NCK1: variants seen among roughly 807,000 people sequenced by gnomAD.
NCK1 encodes SH2/SH3 adapter protein NCK1.
NCK1 carries 19 observed loss-of-function variants against 36.6 expected under a neutral mutation model. That is an observed-to-expected ratio of 0.52 (90% CI 0.36 to 0.76). The LOEUF is 0.76. Among genes scored for constraint, NCK1 ranks in the 30% least tolerant of loss-of-function variants. The pLI is 0.00. For synonymous variants in NCK1, 165 were observed against 156.0 expected (o/e 1.06, Z -0.43); for missense variants, 358 against 445.6 (o/e 0.80, Z 1.77).
At chr3:136,894,462 A>C (rs1299446679) in intron 1 of NCK1, among the ~76,000 whole-genome samples, 1 of 152,158 alleles carries the variant, frequency 6.6e-6, no homozygotes, top group Admixed American at 6.5e-5. Flanking sequence ...GCACCACTTT[A>C]TGATTTTGTT....
intron 1 of NCK1, among the ~76,000 whole-genome samples, chr3:136,864,235 G>A (rs1011402749): frequency 6.6e-6 from 1 of 152,100 alleles, no homozygotes; most frequent in African/African-American, 2.4e-5. Flanking sequence ...GCTCACGCCT[G>A]TAATCCCAGC....
At chr3:136,935,216 T>C (rs1212401527) in intron 2 of NCK1, among the ~76,000 whole-genome samples, 3 of 152,188 alleles carry the variant, frequency 2.0e-5, no homozygotes, top group Non-Finnish European at 4.4e-5. Context: ...TTTTTGACAA[T>C]GTGTAATTAG....
Position 136,950,190 on chromosome 3 carries a change from CAT to C in NCK1, c.*1742_*1743del, listed in dbSNP as rs1940937326. Among the ~76,000 whole-genome samples the C allele has an allele frequency of 6.6e-6, 1 of 152,156 alleles. No homozygotes were observed. The highest frequency in any genetic ancestry group is 1.5e-5 in the Non-Finnish European group (1 of 67,936). Reference sequence around the variant, plus strand: ...TAGTAAACATCATCTTAATTTTTAACATATATTTGATGATGCTTTCCTTTTCT... The same window carrying C: ...TAGTAAACATCATCTTAATTTTTAACATATTTGATGATGCTTTCCTTTTCT... On this transcript the variant is annotated 3_prime_UTR_variant, in exon 4 of 4. Coordinates refer to ENST00000481752, the MANE Select transcript of NCK1 (RefSeq NM_001291999.2).
At chr3:136,916,162 A>T (rs189180935) in intron 1 of NCK1, among the ~76,000 whole-genome samples, 55 of 152,328 alleles carry the variant, frequency 3.6e-4, no homozygotes, top group African/African-American at 1.3e-3. Flanking sequence ...GGAGATTACA[A>T]TTCGACATGA....
chr3:136,862,393 C>G lies in NCK1; in HGVS notation c.-19+40C>G, dbSNP rs563634535. 5 of 152,688 alleles carry G rather than the reference C, an allele frequency of 3.3e-5. No individual in the cohort carries two copies. In the South Asian group the frequency reaches 6.2e-4, roughly 19 times the overall value. 9.5% of individuals were successfully genotyped at this position (152,688 alleles called of 1,614,324 possible). A position where few individuals can be genotyped will look rare whatever the true frequency, so the allele number is the denominator to read the frequency against. On this transcript the variant is annotated intron_variant, in intron 1 of 3. Coordinates refer to ENST00000481752, the MANE Select transcript of NCK1 (RefSeq NM_001291999.2). ...TTGGCAGGCAGACACACACACACCC[C>G]CCTTCAGTCCGCTGTCCGTCCATAC... is the stretch of plus-strand genomic sequence containing the variant.
Position 136,927,963 on chromosome 3 carries a change from A to G in NCK1, c.-18-21A>G, listed in dbSNP as rs189081863. On this transcript the variant is annotated intron_variant, in intron 1 of 3. Coordinates refer to ENST00000481752, the MANE Select transcript of NCK1 (RefSeq NM_001291999.2). ...AATACTACCTCAACCTTACATAAAA[A>G]TATTTTCCATGTGTTTACAGTGCTG... 5.8e-4 allele frequency: 867 copies of G among 1,506,778 alleles called. 13 individuals carry two copies. The East Asian group carries it at 0.018, about 32-fold the overall frequency. 93.3% of individuals were successfully genotyped at this position (1,506,778 alleles called of 1,614,324 possible). A position where few individuals can be genotyped will look rare whatever the true frequency, so the allele number is the denominator to read the frequency against.
At chr3:136,940,605 C>T (rs563251834) in intron 2 of NCK1, among the ~76,000 whole-genome samples, 2 of 151,672 alleles carry the variant, frequency 1.3e-5, no homozygotes, top group African/African-American at 2.4e-5. Context: ...AGTGCAGTGG[C>T]GTGACCTCGG....
chr3:136,876,571 T>C (rs1230504489), intron 1 of NCK1, among the ~76,000 whole-genome samples: 4 of 151,860 alleles, frequency 2.6e-5, no homozygotes, highest in Admixed American at 2.6e-4. Flanking sequence ...CTAAAGGTTT[T>C]TTGTTTTTTT....
chr3:136,948,535 C>T lies in NCK1; in HGVS notation c.*82C>T. 8.2e-7 allele frequency: 1 copy of T among 1,226,108 alleles called. No individual in the cohort carries two copies. The highest frequency in any genetic ancestry group is 1.5e-5 in the African/African-American group (1 of 65,176). 76.0% of individuals were successfully genotyped at this position (1,226,108 alleles called of 1,614,324 possible). On this transcript the variant is annotated 3_prime_UTR_variant, in exon 4 of 4. Coordinates refer to ENST00000481752, the MANE Select transcript of NCK1 (RefSeq NM_001291999.2). Reference sequence around the variant, plus strand: ...TGAGAAAATGTTGGGTCCAGTCGTGCTTGATTGGAAATTGTTGTTTCTAAA... The same window carrying T: ...TGAGAAAATGTTGGGTCCAGTCGTGTTTGATTGGAAATTGTTGTTTCTAAA...
chr3:136,949,644 A>G lies in NCK1; in HGVS notation c.*1191A>G, dbSNP rs1434656476. ...TCCCCCTATTATTCTGGAGATTTAA[A>G]TTTAAGTAAAGTAGCCATCAGTATT... On this transcript the variant is annotated 3_prime_UTR_variant, in exon 4 of 4. Coordinates refer to ENST00000481752, the MANE Select transcript of NCK1 (RefSeq NM_001291999.2). 1 of 152,128 alleles carries G rather than the reference A, an allele frequency of 6.6e-6. No individual in the cohort carries two copies. The highest frequency in any genetic ancestry group is 3.4e-3 in the Middle Eastern group (1 of 294). The allele number at this position is 152,128 out of a possible 1,614,324, so 9.4% of individuals were successfully genotyped here. A position where few individuals can be genotyped will look rare whatever the true frequency, so the allele number is the denominator to read the frequency against.
intron 2 of NCK1, among the ~76,000 whole-genome samples, chr3:136,942,436 A>G (rs1045601971): frequency 5.3e-5 from 8 of 152,208 alleles, no homozygotes; most frequent in African/African-American, 1.9e-4. Flanking sequence ...TTTGCTTAGT[A>G]ATCAGCTAGG....
intron 1 of NCK1, among the ~76,000 whole-genome samples, chr3:136,911,880 T>C (rs1219238231): frequency 2.0e-5 from 3 of 152,076 alleles, no homozygotes; most frequent in Admixed American, 2.0e-4. Flanking sequence ...TTTTTTATTC[T>C]CCCCTTTGGT....
At chr3:136,926,720 G>A (rs1005628809) in intron 1 of NCK1, among the ~76,000 whole-genome samples, 1 of 152,050 alleles carries the variant, frequency 6.6e-6, no homozygotes, top group African/African-American at 2.4e-5. Context: ...TTTCTTCTTA[G>A]ATTCATTAGT....
At chr3:136,899,706 C>G (rs948894159) in intron 1 of NCK1, 6 of 797,008 alleles carry the variant, frequency 7.5e-6, no homozygotes, top group Non-Finnish European at 1.4e-5. Flanking sequence ...ATTAGAGATA[C>G]GAGGAGACTT....
At chr3:136,899,932 GT>G in intron 1 of NCK1, 1 of 864,554 alleles carries the variant, frequency 1.2e-6, no homozygotes, top group Non-Finnish European at 2.0e-6. Context: ...TTCAAATTAG[GT>G]TTTGGTTTAT....
chr3:136,895,633 C>T (rs1369786482), intron 1 of NCK1, among the ~76,000 whole-genome samples: 5 of 152,000 alleles, frequency 3.3e-5, no homozygotes, highest in South Asian at 2.1e-4. Flanking sequence ...GGCACAATCT[C>T]GGCTCACTGC....
At chr3:136,887,300 G>A (rs1343229899) in intron 1 of NCK1, among the ~76,000 whole-genome samples, 1 of 151,980 alleles carries the variant, frequency 6.6e-6, no homozygotes, top group Non-Finnish European at 1.5e-5. Flanking sequence ...CTTGAGTAGC[G>A]GGGACTACAG....
intron 2 of NCK1, among the ~76,000 whole-genome samples, chr3:136,929,202 G>A (rs1940329871): frequency 6.6e-6 from 1 of 151,908 alleles, no homozygotes; most frequent in Admixed American, 6.6e-5. Flanking sequence ...TGAGTAGCTG[G>A]GACTACAGAT....
chr3:136,902,908 A>G (rs886308990), intron 1 of NCK1, among the ~76,000 whole-genome samples: 6 of 152,228 alleles, frequency 3.9e-5, no homozygotes, highest in African/African-American at 1.4e-4. Flanking sequence ...CCACCTGTGA[A>G]GTAGGGAGTG....
Sources: gnomAD v4.1 joint callset for allele counts (sites outside exome capture counted in the v4.1 genomes callset) on GRCh38, gnomAD v4.1.1 for gene constraint, MANE v1.5 for transcripts, NCBI Gene and HGNC (gene_info 2026-07-23, HGNC 2026-07-21) for gene names.